The following MYOM1 variants were observed in gnomAD, a reference collection of about 807,000 sequenced individuals.
MYOM1 encodes myomesin 1.
In MYOM1, 164 loss-of-function variants were observed where a neutral mutation model predicts 205.3. The observed-to-expected ratio is 0.80, with a 90% confidence interval of 0.70 to 0.91. The LOEUF (loss-of-function observed/expected upper bound fraction) is 0.91. MYOM1 is among the 40% of genes least tolerant of loss of function. The pLI, the probability that MYOM1 is intolerant of heterozygous loss-of-function variation, is 0.00. For synonymous variants in MYOM1, 772 were observed against 789.4 expected, an observed-to-expected ratio of 0.98 and a Z score of 0.37; for missense variants, 2,011 against 2,127.3, an observed-to-expected ratio of 0.95 and a Z score of 1.08.
chr18:3,067,767 C>T (rs1433490759), intron 37 of MYOM1, among the ~76,000 whole-genome samples: 1 of 152,180 alleles, frequency 6.6e-6, no homozygotes, highest in Non-Finnish European at 1.5e-5. Flanking sequence ...TTTTAATGCT[C>T]CTCAAGGCCT....
chr18:3,179,483 G>GAAAGTAAGTTGACAGTC lies in MYOM1; in HGVS notation c.930-3366_930-3350dup, dbSNP rs2080698271. Among the ~76,000 whole-genome samples the GAAAGTAAGTTGACAGTC allele has an allele frequency of 1.3e-5, 2 of 152,180 alleles. No homozygotes were observed. The highest frequency in any genetic ancestry group is 3.2e-3 in the Middle Eastern group (1 of 316). On this transcript the variant is annotated intron_variant, in intron 5 of 37. Coordinates refer to ENST00000356443, the MANE Select transcript of MYOM1 (RefSeq NM_003803.4). This position sits in a 1 kb window ranked among gnomAD's most constrained non-coding sequence, Gnocchi z 4.4. Reference sequence around the variant, plus strand: ...ATGATTTTAAATAAATGCACACGAAGAAAGTAAGTTGACAGTCTCAGTTCC... The same window carrying GAAAGTAAGTTGACAGTC: ...ATGATTTTAAATAAATGCACACGAAGAAAGTAAGTTGACAGTCAAAGTAAGTTGACAGTCTCAGTTCC...
In MYOM1 at chr18:3,134,739, G is replaced by A. The variant is rs927104464; in HGVS notation, c.2295C>T (p.Ala765=). 1.5e-5 allele frequency: 24 copies of A among 1,613,804 alleles called. No homozygotes were observed. The highest frequency in any genetic ancestry group is 1.9e-5 in the Non-Finnish European group (23 of 1,179,860). ...VVVSWEESKD[A]KELVGYYIEA... The stretch of plus-strand genomic sequence containing the variant: ...CTATGTAGTACCCGACCAGCTCTTT[G>A]GCATCTTTGGACTCCTCCCACGAAA... The change falls in exon 16 of 38, where the codon GCC becomes GCT. Residue 765 remains alanine, a synonymous_variant. Coordinates refer to ENST00000356443, the MANE Select transcript of MYOM1 (RefSeq NM_003803.4).
chr18:3,204,655 T>A (rs780468643), intron 2 of MYOM1, among the ~76,000 whole-genome samples: 14 of 151,970 alleles, frequency 9.2e-5, no homozygotes, highest in Non-Finnish European at 1.5e-4. Flanking sequence ...TCAAAATTGA[T>A]CTACAGATTC....
intron 2 of MYOM1, among the ~76,000 whole-genome samples, chr18:3,198,928 G>T (rs1053148695): frequency 1.4e-4 from 22 of 152,178 alleles, no homozygotes; most frequent in Non-Finnish European, 8.8e-5. Context: ...ATGGTGGAAG[G>T]AGTAGTTCCT....
chr18:3,175,932 G>T (rs2144096936), intron 6 of MYOM1, 110 bp downstream of exon 6: 1 of 701,290 alleles, frequency 1.4e-6, no homozygotes, highest in Non-Finnish European at 2.6e-6. Context: ...ATGTCCCTCA[G>T]TGTGATCACA....
the MYOM1 span, among the ~76,000 whole-genome samples, chr18:3,227,006 A>C: frequency 6.6e-6 from 1 of 152,208 alleles, no homozygotes; most frequent in African/African-American, 2.4e-5. Context: ...CCTAAGCCAG[A>C]AAGCTGCCTG....
intron 4 of MYOM1, 29 bp from the exon 5 acceptor site, chr18:3,187,666 A>T: frequency 6.5e-7 from 1 of 1,549,044 alleles, no homozygotes; most frequent in Non-Finnish European, 8.8e-7. Context: ...AAACAAACAT[A>T]TTACCAAAAT....
chr18:3,156,980 A>G (rs2080309738), intron 10 of MYOM1, among the ~76,000 whole-genome samples: 1 of 152,136 alleles, frequency 6.6e-6, no homozygotes, highest in South Asian at 2.1e-4. Flanking sequence ...GCAAAGGCAG[A>G]GCAGAGCTGC....
Position 3,154,164 on chromosome 18 carries a change from C to A in MYOM1, c.1643+783G>T, listed in dbSNP as rs541308647. Among the ~76,000 whole-genome samples, 8 of 152,116 alleles carry A rather than the reference C, an allele frequency of 5.3e-5. No homozygotes were observed. The South Asian group carries it at 1.5e-3, about 28-fold the overall frequency. The stretch of plus-strand genomic sequence containing the variant: ...ACATATTAGGAATATGGACATTATG[C>A]TGAATTCCAATGATTTCATTTCCAA... On this transcript the variant is annotated intron_variant, in intron 11 of 37. Transcript: ENST00000356443.
rs1279433892 is a variant in MYOM1, at chr18:3,135,201, C to T, written c.2209+346G>A. ...TTGGACTCAGGTGATCTGCCTGCCTCGGCCTCCCAAAGTGCTCAGATTACA... is the reference window on the plus strand; with the variant it reads ...TTGGACTCAGGTGATCTGCCTGCCTTGGCCTCCCAAAGTGCTCAGATTACA... On this transcript the variant is annotated intron_variant, in intron 15 of 37. Transcript: ENST00000356443. This position sits in a 1 kb window ranked among gnomAD's most constrained non-coding sequence, Gnocchi z 4.1. 21 of 280,118 alleles carry T rather than the reference C, an allele frequency of 7.5e-5. No homozygotes were observed. The highest frequency in any genetic ancestry group is 1.0e-4 in the Non-Finnish European group (15 of 146,824). The allele number at this position is 280,118 out of a possible 1,614,324, so 17.4% of individuals were successfully genotyped here. A position where few individuals can be genotyped will look rare whatever the true frequency, so the allele number is the denominator to read the frequency against.
At chr18:3,225,740 G>A in the MYOM1 span, among the ~76,000 whole-genome samples, 1 of 152,048 alleles carries the variant, frequency 6.6e-6, no homozygotes, top group East Asian at 1.9e-4. Flanking sequence ...ATGGAAAGTT[G>A]ACCATGGTTA....
intron 2 of MYOM1, among the ~76,000 whole-genome samples, chr18:3,194,653 G>A (rs1598759987): frequency 6.6e-6 from 1 of 152,118 alleles, no homozygotes; most frequent in African/African-American, 2.4e-5. Context: ...AGCAGAGATA[G>A]CAGAGGAAAA....
At chr18:3,230,928 A>C in the MYOM1 span, among the ~76,000 whole-genome samples, 2 of 152,262 alleles carry the variant, frequency 1.3e-5, no homozygotes, top group African/African-American at 4.8e-5. Context: ...CAAGGCTCAG[A>C]GAGGTTAGGC....
chr18:3,092,842 T>C (rs1434162703), intron 26 of MYOM1, among the ~76,000 whole-genome samples: 4 of 152,166 alleles, frequency 2.6e-5, no homozygotes, highest in Non-Finnish European at 5.9e-5. Flanking sequence ...ACTCTCTTTC[T>C]AAGAAACTTA....
At chr18:3,091,332 T>A (rs1297346298) in intron 26 of MYOM1, among the ~76,000 whole-genome samples, 1 of 150,286 alleles carries the variant, frequency 6.7e-6, no homozygotes, top group Admixed American at 6.6e-5. Context: ...AAAAAAACAT[T>A]GAAAAATTGG....
At chr18:3,221,295 C>T (rs764013109), upstream of MYOM1, among the ~76,000 whole-genome samples, 5 of 152,328 alleles carry the variant, frequency 3.3e-5, no homozygotes, top group South Asian at 4.1e-4. Context: ...GCTGGAATTA[C>T]AGGCGTGAGC....
chr18:3,223,165 G>A (rs192946960), upstream of MYOM1, among the ~76,000 whole-genome samples: 7 of 152,282 alleles, frequency 4.6e-5, no homozygotes, highest in East Asian at 3.9e-4. Flanking sequence ...ACAGGTGTGA[G>A]CCACCATGTC....
chr18:3,177,033 G>C (rs1026170119), intron 5 of MYOM1, among the ~76,000 whole-genome samples: 1 of 152,122 alleles, frequency 6.6e-6, no homozygotes, highest in East Asian at 1.9e-4. Context: ...AATCACTTGA[G>C]GCCAGGAGTT....
chr18:3,162,549 A>G (rs2080406629), intron 10 of MYOM1, among the ~76,000 whole-genome samples: 1 of 152,168 alleles, frequency 6.6e-6, no homozygotes, highest in African/African-American at 2.4e-5. Context: ...AGGACCTGTG[A>G]GTATTATAAA....
Sources: gnomAD v4.1 joint callset for allele counts (sites outside exome capture counted in the v4.1 genomes callset) on GRCh38, gnomAD v4.1.1 for gene constraint, Gnocchi (gnomAD v3.1) non-coding constraint, MANE v1.5 for transcripts, NCBI Gene and HGNC (gene_info 2026-07-23, HGNC 2026-07-21) for gene names.